The following AGT variants were observed in gnomAD, a reference collection of about 807,000 sequenced individuals.
AGT encodes the protein alpha-1 antiproteinase, antitrypsin.
In AGT, 26 loss-of-function variants were observed where a neutral mutation model predicts 28.1. The observed-to-expected ratio is 0.92, with a 90% CI of 0.68 to 1.28. AGT has a LOEUF of 1.28. Among genes scored for constraint, AGT ranks in the 50% most tolerant of loss-of-function variants. AGT has a pLI of 0.00. For missense variants in AGT, 596 were observed against 592.3 expected (o/e 1.01, Z -0.06); for synonymous variants, 259 against 259.6 (o/e 1.00, Z 0.02).
chr1:230,744,592 G>C (rs925994332), intron 1 of AGT, among the ~76,000 whole-genome samples: 1 of 152,132 alleles, frequency 6.6e-6, no homozygotes, highest in Non-Finnish European at 1.5e-5. Context: ...AACCTTTTTG[G>C]TGTGTTTCCT....
chr1:230,741,876 T>C (rs1664254003), intron 1 of AGT, among the ~76,000 whole-genome samples: 1 of 152,124 alleles, frequency 6.6e-6, no homozygotes, highest in African/African-American at 2.4e-5. Flanking sequence ...GCTTTAAGTT[T>C]CAAACTAGGC....
At chr1:230,745,510 C>T (rs1486303691) in intron 1 of AGT, among the ~76,000 whole-genome samples, 2 of 152,206 alleles carry the variant, frequency 1.3e-5, no homozygotes, top group Non-Finnish European at 2.9e-5. Flanking sequence ...AAATGTGTTG[C>T]TCACAGTTCT....
Position 230,705,116 on chromosome 1 carries a change from T to C in AGT, c.1098-779A>G, listed in dbSNP as rs193074802. The stretch of plus-strand genomic sequence containing the variant: ...GGGAAGGGGAAATGGAGAGTTAGTG[T>C]TTCAGCAGGACAGAGCTTCAGTTTG... On this transcript the variant is annotated intron_variant, in intron 3 of 4. Transcript: ENST00000366667. Among the ~76,000 whole-genome samples, 262 of 152,160 alleles carry C rather than the reference T, an allele frequency of 1.7e-3. 1 individual carries two copies. The highest frequency in any genetic ancestry group is 2.7e-3 in the Non-Finnish European group (182 of 67,998).
intron 1 of AGT, among the ~76,000 whole-genome samples, chr1:230,712,095 C>T (rs995256132): frequency 2.0e-5 from 3 of 152,218 alleles, no homozygotes; most frequent in African/African-American, 7.2e-5. Flanking sequence ...CCACATCTCA[C>T]TCATTTCTTG....
chr1:230,735,406 G>A (rs990522399), intron 1 of AGT, among the ~76,000 whole-genome samples: 3 of 152,162 alleles, frequency 2.0e-5, no homozygotes, highest in Non-Finnish European at 2.9e-5. Flanking sequence ...AATGATTTCC[G>A]AGTCATGTTT....
chr1:230,713,219 C>G (rs1173281404), intron 1 of AGT, among the ~76,000 whole-genome samples: 1 of 152,188 alleles, frequency 6.6e-6, no homozygotes, highest in East Asian at 1.9e-4. Context: ...AGCCCCGGAA[C>G]AGGGTTCCCG....
chr1:230,736,796 C>T (rs569839389), intron 1 of AGT, among the ~76,000 whole-genome samples: 40 of 152,262 alleles, frequency 2.6e-4, no homozygotes, highest in South Asian at 2.3e-3. Flanking sequence ...GGCTGGGCTT[C>T]GATCCCTTAA....
Position 230,709,994 on chromosome 1 carries a change from C to A in AGT, c.829+1G>T, listed in dbSNP as rs747815674. 9.3e-6 allele frequency: 15 copies of A among 1,614,052 alleles called. No homozygotes were observed. The East Asian group carries it at 2.9e-4, about 31-fold the overall frequency. ...AGAGCCAGCAGAGAGGTTTGCCTTACCTTGGAAGTGGACGTAGGTGTTGAA... is the reference window on the plus strand; with the variant it reads ...AGAGCCAGCAGAGAGGTTTGCCTTAACTTGGAAGTGGACGTAGGTGTTGAA... On this transcript the variant is annotated splice_donor_variant, in intron 2 of 4. Transcript: ENST00000366667. LOFTEE classifies it high-confidence loss of function.
upstream of AGT, among the ~76,000 whole-genome samples, chr1:230,716,715 G>A (rs529365001): frequency 1.3e-5 from 2 of 152,250 alleles, no homozygotes; most frequent in East Asian, 3.9e-4. Flanking sequence ...CCATGATTGT[G>A]AGGCCTCCCC....
Position 230,710,218 on chromosome 1 carries a change from C to T in AGT, c.606G>A (p.Val202=), listed in dbSNP as rs1571976818. The change falls in exon 2 of 5, where the codon GTG becomes GTA. Residue 202 remains valine, a synonymous_variant. Transcript: ENST00000366667. Reference sequence around the variant, plus strand: ...TCAGGTGCAGGCCTGGGGCTGTGAACACGCCCACCACCGTGGACAGCAGCA... The same window carrying T: ...TCAGGTGCAGGCCTGGGGCTGTGAATACGCCCACCACCGTGGACAGCAGCA... ...AQLLLSTVVG[V]FTAPGLHLKQ... 6.2e-7 allele frequency: 1 copy of T among 1,613,600 alleles called. No individual in the cohort carries two copies. Among genetic ancestry groups the T allele is most frequent in the Non-Finnish European group, 8.5e-7 (1 of 1,179,974 alleles).
At chr1:230,726,901 C>A (rs1663953614) in intron 1 of AGT, among the ~76,000 whole-genome samples, 1 of 152,304 alleles carries the variant, frequency 6.6e-6, no homozygotes, top group Admixed American at 6.5e-5. Flanking sequence ...TCTCTCATAT[C>A]TTCCAATGCT....
chr1:230,742,283 T>C (rs1019115417), intron 1 of AGT, among the ~76,000 whole-genome samples: 2 of 152,230 alleles, frequency 1.3e-5, no homozygotes, highest in Non-Finnish European at 2.9e-5. Flanking sequence ...AATGCTGGCA[T>C]ACTCTACATG....
chr1:230,728,540 T>C (rs540759040), intron 1 of AGT, among the ~76,000 whole-genome samples: 1 of 152,354 alleles, frequency 6.6e-6, no homozygotes, highest in South Asian at 2.1e-4. Flanking sequence ...CTCACCGTTA[T>C]AATTTTCGCT....
At chr1:230,737,037 T>C (rs1664168717) in intron 1 of AGT, among the ~76,000 whole-genome samples, 2 of 152,190 alleles carry the variant, frequency 1.3e-5, no homozygotes, top group Non-Finnish European at 2.9e-5. Flanking sequence ...TGAAGACAGC[T>C]GACTTTCAAC....
chr1:230,717,743 G>C (rs1019545652), upstream of AGT, among the ~76,000 whole-genome samples: 4 of 152,132 alleles, frequency 2.6e-5, no homozygotes, highest in Non-Finnish European at 5.9e-5. Flanking sequence ...AGCATTTCTG[G>C]TCCTCATTGC....
At chr1:230,728,700 A>G (rs1353333825) in intron 1 of AGT, among the ~76,000 whole-genome samples, 1 of 152,144 alleles carries the variant, frequency 6.6e-6, no homozygotes, top group Non-Finnish European at 1.5e-5. Context: ...GCTTTGTAAC[A>G]GTGTCCACAG....
At chr1:230,728,987 C>G (rs1664003169) in intron 1 of AGT, among the ~76,000 whole-genome samples, 3 of 152,188 alleles carry the variant, frequency 2.0e-5, no homozygotes, top group Admixed American at 2.0e-4. Context: ...TCGTGAAAAG[C>G]CTTCCGGAAA....
chr1:230,705,511 C>A (rs537066070), intron 3 of AGT, among the ~76,000 whole-genome samples: 8 of 152,236 alleles, frequency 5.3e-5, no homozygotes, highest in African/African-American at 1.7e-4. Flanking sequence ...TGAGAAGGCC[C>A]CACCCCCGCT....
rs762722842 is a variant in AGT, at chr1:230,703,165, C to T, written c.1407G>A (p.Val469=). 1.2e-6 allele frequency: 2 copies of T among 1,613,972 alleles called. No individual in the cohort carries two copies. The highest frequency in any genetic ancestry group is 2.2e-5 in the South Asian group (2 of 91,068). Residue 469 remains valine (V), a synonymous_variant, in exon 5 of 5, where the codon GTG becomes GTA. Coordinates refer to ENST00000366667, the MANE Select transcript of AGT (RefSeq NM_001384479.1). ...SATALHFLGR[V]ANPLSTA is the part of the protein sequence containing the mutation. Reference sequence around the variant, plus strand: ...CTCATGCTGTGCTCAGCGGGTTGGCCACGCGGCCCAGGAAGTGCAGGGCAG... The same window carrying T: ...CTCATGCTGTGCTCAGCGGGTTGGCTACGCGGCCCAGGAAGTGCAGGGCAG...
Sources: allele counts gnomAD v4.1 joint callset (sites outside exome capture counted in the v4.1 genomes callset), GRCh38; gene constraint gnomAD v4.1.1; transcripts MANE v1.5; gene names NCBI Gene and HGNC (gene_info 2026-07-23, HGNC 2026-07-21).